SUPT3H: variants seen among roughly 807,000 people sequenced by gnomAD.
SUPT3H encodes transcription initiation protein SPT3 homolog.
A neutral mutation model predicts 44.3 loss-of-function variants in SUPT3H; 44 were observed. The ratio of observed to expected loss-of-function variants is 0.99; its 90% CI spans 0.78 to 1.28. SUPT3H has a LOEUF of 1.28. Among genes scored for constraint, SUPT3H ranks in the 50% most tolerant of loss-of-function variants. SUPT3H has a pLI of 0.00. For missense variants in SUPT3H, 380 were observed against 387.1 expected (o/e 0.98, Z 0.15); for synonymous variants, 124 against 125.6 (o/e 0.99, Z 0.09).
chr6:45,040,185 A>G (rs61489593), intron 3 of SUPT3H, among the ~76,000 whole-genome samples: 3,765 of 152,286 alleles, frequency 0.025, 161 homozygotes, highest in African/African-American at 0.084. Flanking sequence ...TAAACAATAC[A>G]TAAGTGAATG....
chr6:45,361,057 G>A (rs1794164909), intron 2 of SUPT3H, among the ~76,000 whole-genome samples: 1 of 152,132 alleles, frequency 6.6e-6, no homozygotes, highest in South Asian at 2.1e-4. Flanking sequence ...AGGGTCACTT[G>A]TGCCTAAGAG....
intron 3 of SUPT3H, among the ~76,000 whole-genome samples, chr6:45,039,970 C>T (rs1392820192): frequency 6.6e-6 from 1 of 152,124 alleles, no homozygotes; most frequent in Admixed American, 6.6e-5. Flanking sequence ...GCTTTTTAAA[C>T]TGGCAACAGG....
intron 2 of SUPT3H, among the ~76,000 whole-genome samples, chr6:45,206,584 A>G (rs185943935): frequency 9.8e-5 from 15 of 152,290 alleles, no homozygotes; most frequent in Admixed American, 6.5e-4. Context: ...ATTTCACTCA[A>G]TATCACAGGA....
At chr6:44,853,592 A>G (rs981961862) in intron 10 of SUPT3H, among the ~76,000 whole-genome samples, 13 of 152,210 alleles carry the variant, frequency 8.5e-5, no homozygotes, top group African/African-American at 2.4e-4. Flanking sequence ...TAAGAATTAA[A>G]TCAGTGTAAG....
intron 2 of SUPT3H, among the ~76,000 whole-genome samples, chr6:45,277,946 A>G (rs1187085739): frequency 6.6e-6 from 1 of 152,238 alleles, no homozygotes; most frequent in African/African-American, 2.4e-5. Context: ...CTATGCAGCC[A>G]TAAAAAAGGA....
chr6:45,088,361 A>G (rs1796731918), intron 3 of SUPT3H, among the ~76,000 whole-genome samples: 1 of 151,970 alleles, frequency 6.6e-6, no homozygotes, highest in Non-Finnish European at 1.5e-5. Context: ...TCTGCCTCTT[A>G]GTGTCTTTGC....
intron 4 of SUPT3H, among the ~76,000 whole-genome samples, chr6:45,015,186 G>A (rs377528657): frequency 2.0e-5 from 3 of 152,074 alleles, no homozygotes; most frequent in African/African-American, 4.8e-5. Context: ...AGACTTCATC[G>A]TTTTGTGAAC....
At chr6:44,968,057 T>G (rs545211783) in intron 6 of SUPT3H, among the ~76,000 whole-genome samples, 4 of 152,136 alleles carry the variant, frequency 2.6e-5, no homozygotes, top group Non-Finnish European at 5.9e-5. Flanking sequence ...CCTCCCAAAG[T>G]GCTGGGATTA....
chr6:45,245,948 T>C (rs1353615254), intron 2 of SUPT3H, among the ~76,000 whole-genome samples: 1 of 152,188 alleles, frequency 6.6e-6, no homozygotes, highest in African/African-American at 2.4e-5. Context: ...ACACTGTTTT[T>C]TTAATAAATA....
At chr6:45,145,363 A>C (rs1805878003) in intron 2 of SUPT3H, among the ~76,000 whole-genome samples, 1 of 152,156 alleles carries the variant, frequency 6.6e-6, no homozygotes, top group African/African-American at 2.4e-5. Flanking sequence ...AAATAAAGCC[A>C]AATATTTAGA....
rs1349370009 is a variant in SUPT3H, at chr6:45,234,138, T to C, written c.102-128132A>G. On this transcript the variant is annotated intron_variant, in intron 2 of 10. Transcript: ENST00000371459. ...TTTTCCTATGTAAATATTACCTATGTATAATTGACTTTCATAAAATATATT... is the reference window on the plus strand; with the variant it reads ...TTTTCCTATGTAAATATTACCTATGCATAATTGACTTTCATAAAATATATT... 2.0e-5 allele frequency among the ~76,000 whole-genome samples: 3 copies of C among 152,358 alleles called. No individual in the cohort carries two copies. In the East Asian group the frequency reaches 5.8e-4, roughly 29 times the overall value.
chr6:44,942,024 T>G (rs1397927587), intron 9 of SUPT3H, among the ~76,000 whole-genome samples: 1 of 152,164 alleles, frequency 6.6e-6, no homozygotes, highest in Non-Finnish European at 1.5e-5. Context: ...TCAGGAAAAC[T>G]TTGTTGTAAA....
intron 10 of SUPT3H, among the ~76,000 whole-genome samples, chr6:44,926,540 CA>C (rs1249214270): frequency 2.0e-5 from 3 of 151,820 alleles, no homozygotes. Context: ...TAATGCCCTA[CA>C]AAAAATGGCA....
In SUPT3H at chr6:45,136,483, G is replaced by A. The variant is rs115336279; in HGVS notation, c.102-30477C>T. ...TGACCTGGGAAAAAGGGAGTCAATC[G>A]AAATACAAGTCAAGCAGTCATTATA... On this transcript the variant is annotated intron_variant, in intron 2 of 10. Transcript: ENST00000371459. 5.3e-3 allele frequency among the ~76,000 whole-genome samples: 809 copies of A among 151,918 alleles called. 7 individuals carry two copies. Among genetic ancestry groups the A allele is most frequent in the African/African-American group, 0.018 (754 of 41,438 alleles).
intron 2 of SUPT3H, among the ~76,000 whole-genome samples, chr6:45,230,680 A>ATTTTTT (rs1257695683): frequency 9.0e-6 from 1 of 110,974 alleles, no homozygotes; most frequent in African/African-American, 3.7e-5. Context: ...ATATATATAT[A>ATTTTTT]TATATATTTT....
intron 2 of SUPT3H, among the ~76,000 whole-genome samples, chr6:45,115,624 A>C (rs2153576652): frequency 6.6e-6 from 1 of 152,322 alleles, no homozygotes; most frequent in Non-Finnish European, 1.5e-5. Flanking sequence ...AAATAACTTA[A>C]GGACTTTAGT....
At chr6:45,087,518 T>C (rs1355248351) in intron 3 of SUPT3H, among the ~76,000 whole-genome samples, 1 of 151,796 alleles carries the variant, frequency 6.6e-6, no homozygotes, top group Non-Finnish European at 1.5e-5. Context: ...TGAGGGTAAA[T>C]GCTTTTAAAA....
intron 9 of SUPT3H, among the ~76,000 whole-genome samples, chr6:44,946,153 C>T (rs932829680): frequency 5.9e-5 from 9 of 152,114 alleles, no homozygotes; most frequent in African/African-American, 2.2e-4. Context: ...GTGTTGAGAC[C>T]TACTATTCAG....
intron 7 of SUPT3H, among the ~76,000 whole-genome samples, chr6:44,958,783 G>GA (rs549424324): frequency 0.031 from 4,252 of 136,742 alleles, 99 homozygotes; most frequent in Non-Finnish European, 0.046. Flanking sequence ...AGACATTTAA[G>GA]AAAAAAAAAT....
Sources: gnomAD v4.1 joint callset for allele counts (sites outside exome capture counted in the v4.1 genomes callset) on GRCh38, gnomAD v4.1.1 for gene constraint, MANE v1.5 for transcripts, NCBI Gene and HGNC (gene_info 2026-07-23, HGNC 2026-07-21) for gene names.